The following MLLT3 variants were observed in gnomAD, a reference collection of about 807,000 sequenced individuals.
MLLT3 encodes protein AF-9.
A neutral mutation model predicts 53.2 loss-of-function variants in MLLT3; 4 were observed. The observed-to-expected ratio is 0.08, with a 90% CI of 0.04 to 0.17. The LOEUF is 0.17. MLLT3 is among the 10% of genes least tolerant of loss of function. MLLT3 has a pLI of 1.00. For synonymous variants in MLLT3, 283 were observed against 230.6 expected (o/e 1.23, Z -2.06); for missense variants, 569 against 684.0 (o/e 0.83, Z 1.87).
chr9:20,503,406 T>C (rs958016779), intron 2 of MLLT3, among the ~76,000 whole-genome samples: 14 of 152,080 alleles, frequency 9.2e-5, no homozygotes, highest in African/African-American at 3.4e-4. Flanking sequence ...ATACAGTCAA[T>C]TGATTTTCAA....
In MLLT3 at chr9:20,448,413, G is replaced by T; in HGVS notation, c.277-147C>A. 1 of 600,688 alleles carries T rather than the reference G, an allele frequency of 1.7e-6. No individual in the cohort carries two copies. Among genetic ancestry groups the T allele is most frequent in the Non-Finnish European group, 2.7e-6 (1 of 367,342 alleles). The allele number at this position is 600,688 out of a possible 1,614,324, so 37.2% of individuals were successfully genotyped here. On this transcript the variant is annotated intron_variant, in intron 3 of 10. Transcript: ENST00000380338. This position sits in a 1 kb window ranked among gnomAD's most constrained non-coding sequence, Gnocchi z 4.0. ...CAAAGTAGTACTGGGAAAAAAAAAA[G>T]TATCATGGAATCATCAGTGAAACAA...
intron 8 of MLLT3, among the ~76,000 whole-genome samples, chr9:20,357,935 T>C (rs1821210121): frequency 6.6e-6 from 1 of 151,536 alleles, no homozygotes; most frequent in South Asian, 2.1e-4. Context: ...TCATACTCTT[T>C]CTCTATCCCT....
At chr9:20,461,311 A>G (rs185663997) in intron 2 of MLLT3, among the ~76,000 whole-genome samples, 16 of 152,322 alleles carry the variant, frequency 1.1e-4, no homozygotes, top group Admixed American at 7.8e-4. Flanking sequence ...ACATTGACCA[A>G]TAACCTATTT....
At chr9:20,520,753 C>A (rs1818036428) in intron 2 of MLLT3, among the ~76,000 whole-genome samples, 1 of 152,102 alleles carries the variant, frequency 6.6e-6, no homozygotes. Flanking sequence ...AGGGGACGTT[C>A]TCAGAAAGGA....
intron 2 of MLLT3, among the ~76,000 whole-genome samples, chr9:20,572,302 C>T (rs1819549734): frequency 6.6e-6 from 1 of 152,042 alleles, no homozygotes; most frequent in African/African-American, 2.4e-5. Flanking sequence ...AGGAAGCTGA[C>T]CACGGTTAAT....
intron 2 of MLLT3, among the ~76,000 whole-genome samples, chr9:20,617,592 CTATT>C (rs1035230970): frequency 6.6e-5 from 10 of 152,152 alleles, no homozygotes; most frequent in African/African-American, 2.4e-4. Flanking sequence ...TTGAATGTGA[CTATT>C]CATTTCAGTC....
chr9:20,579,536 G>A (rs1250644709), intron 2 of MLLT3, among the ~76,000 whole-genome samples: 1 of 152,032 alleles, frequency 6.6e-6, no homozygotes, highest in African/African-American at 2.4e-5. Context: ...AGATTTCTAA[G>A]TATCCAAATA....
intron 5 of MLLT3, among the ~76,000 whole-genome samples, chr9:20,387,833 G>C (rs1027055712): frequency 1.3e-5 from 2 of 152,176 alleles, no homozygotes; most frequent in African/African-American, 2.4e-5. Flanking sequence ...AAGGTCACTC[G>C]TTTAGCAAAT....
intron 2 of MLLT3, among the ~76,000 whole-genome samples, chr9:20,518,016 T>C (rs775735363): frequency 6.6e-6 from 1 of 151,960 alleles, no homozygotes; most frequent in Non-Finnish European, 1.5e-5. Context: ...AAAGAATAAA[T>C]ATTCATGAAG....
At chr9:20,615,292 G>A (rs1045873157) in intron 2 of MLLT3, among the ~76,000 whole-genome samples, 2 of 138,484 alleles carry the variant, frequency 1.4e-5, no homozygotes, top group African/African-American at 5.2e-5. Flanking sequence ...GAGTCCAGGA[G>A]ATGGAGGTTG....
chr9:20,438,688 G>T (rs1348297817), intron 4 of MLLT3, among the ~76,000 whole-genome samples: 1 of 152,052 alleles, frequency 6.6e-6, no homozygotes, highest in Admixed American at 6.6e-5. Context: ...TCCTGCCCCA[G>T]TCTCCCAAAA....
chr9:20,584,329 T>C (rs1001337345), intron 2 of MLLT3, among the ~76,000 whole-genome samples: 3 of 152,176 alleles, frequency 2.0e-5, no homozygotes, highest in African/African-American at 4.8e-5. Context: ...TTACCCACAT[T>C]TTCCTATCTT....
chr9:20,397,496 T>C (rs2118736203), intron 5 of MLLT3, among the ~76,000 whole-genome samples: 1 of 152,262 alleles, frequency 6.6e-6, no homozygotes, highest in Non-Finnish European at 1.5e-5. Context: ...GAGCTTCTTT[T>C]GACTGCGGAA....
intron 2 of MLLT3, among the ~76,000 whole-genome samples, chr9:20,464,347 C>T (rs1160465276): frequency 3.3e-5 from 5 of 151,994 alleles, no homozygotes; most frequent in Admixed American, 2.0e-4. Flanking sequence ...TAACCAGAGA[C>T]CGTTGCCTGC....
chr9:20,543,145 T>C lies in MLLT3; in HGVS notation c.193+77509A>G, dbSNP rs111930499. Among the ~76,000 whole-genome samples the C allele has an allele frequency of 3.3e-5, 5 of 152,352 alleles. 1 individual carries two copies. Among genetic ancestry groups the C allele is most frequent in the African/African-American group, 9.6e-5 (4 of 41,584 alleles). On this transcript the variant is annotated intron_variant, in intron 2 of 10. Coordinates refer to ENST00000380338, the MANE Select transcript of MLLT3 (RefSeq NM_004529.4). ...TACCCAGACCACTAAACTTTCTCCATATTAGCAATAACCCTGTGTCGCTTT... is the reference window on the plus strand; with the variant it reads ...TACCCAGACCACTAAACTTTCTCCACATTAGCAATAACCCTGTGTCGCTTT...
intron 2 of MLLT3, among the ~76,000 whole-genome samples, chr9:20,504,035 C>T (rs763925322): frequency 2.0e-5 from 3 of 151,668 alleles, no homozygotes; most frequent in South Asian, 2.1e-4. Flanking sequence ...TGGCTATTAT[C>T]GAAAAGATGA....
At chr9:20,468,093 C>T (rs1296173823) in intron 2 of MLLT3, among the ~76,000 whole-genome samples, 1 of 152,166 alleles carries the variant, frequency 6.6e-6, no homozygotes, top group Non-Finnish European at 1.5e-5. Context: ...ATGCTATTGC[C>T]TACTTCATAT....
At chr9:20,454,654 T>C (rs755093287) in intron 3 of MLLT3, among the ~76,000 whole-genome samples, 1 of 152,170 alleles carries the variant, frequency 6.6e-6, no homozygotes, top group East Asian at 1.9e-4. Context: ...ATTCCTATGG[T>C]GTAGCCCGAT....
At chr9:20,575,461 T>A (rs1413557861) in intron 2 of MLLT3, among the ~76,000 whole-genome samples, 2 of 152,188 alleles carry the variant, frequency 1.3e-5, no homozygotes, top group African/African-American at 4.8e-5. Context: ...TGTGCAAAAT[T>A]TTTATTTCCT....
Sources: allele counts gnomAD v4.1 joint callset (sites outside exome capture counted in the v4.1 genomes callset), GRCh38; gene constraint gnomAD v4.1.1; non-coding constraint Gnocchi (gnomAD v3.1); transcripts MANE v1.5; gene names NCBI Gene and HGNC (gene_info 2026-07-23, HGNC 2026-07-21).